ZMYND11: variants seen among roughly 807,000 people sequenced by gnomAD.
ZMYND11 encodes zinc finger MYND-type containing 11.
ZMYND11 carries 9 observed loss-of-function variants against 84.9 expected under a neutral mutation model. That is an observed-to-expected ratio of 0.11 (90% CI 0.06 to 0.18). ZMYND11 has a LOEUF of 0.18. Among genes scored for constraint, ZMYND11 ranks in the 10% least tolerant of loss-of-function variants. The pLI is 1.00. For missense variants in ZMYND11, 409 were observed against 761.0 expected, an observed-to-expected ratio of 0.54 and a Z score of 5.44; for synonymous variants, 250 against 244.1, an observed-to-expected ratio of 1.02 and a Z score of -0.23.
chr10:239,415 A>G lies in ZMYND11; in HGVS notation c.610-23A>G, dbSNP rs372945811. On this transcript the variant is annotated intron_variant, in intron 6 of 14. Coordinates refer to ENST00000381604, the MANE Select transcript of ZMYND11 (RefSeq NM_001370100.5). ...ATTTTTACTGGTAACTCTTTTCGTC[A>G]TTCTGTTTTTTGCCCTCTGCAGAAA... The G allele has an allele frequency of 3.8e-4, 610 of 1,599,832 alleles. 1 individual carries two copies. Among genetic ancestry groups the G allele is most frequent in the Non-Finnish European group, 4.9e-4 (576 of 1,171,076 alleles).
chr10:231,484 T>C (rs936660889), intron 4 of ZMYND11, among the ~76,000 whole-genome samples: 2 of 152,250 alleles, frequency 1.3e-5, no homozygotes, highest in Non-Finnish European at 2.9e-5. Context: ...AATAGGTTTC[T>C]ATGACTGAAA....
At chr10:248,849 A>C (rs1340943370) in intron 13 of ZMYND11, 54 bp from the exon 14 acceptor site, 1 of 1,556,680 alleles carries the variant, frequency 6.4e-7, no homozygotes, top group African/African-American at 1.4e-5. Context: ...TCCAGTGTAG[A>C]TGGTCTGTGT....
At chr10:173,060 T>C (rs1203849254) in intron 1 of ZMYND11, among the ~76,000 whole-genome samples, 4 of 151,394 alleles carry the variant, frequency 2.6e-5, no homozygotes, top group African/African-American at 7.3e-5. Flanking sequence ...AAGAATCATC[T>C]AGGCAAAGAC....
intron 2 of ZMYND11, among the ~76,000 whole-genome samples, chr10:184,899 G>T (rs1010961539): frequency 8.0e-5 from 12 of 150,640 alleles, no homozygotes; most frequent in East Asian, 7.8e-4. Flanking sequence ...TCTTTTCCCC[G>T]TTTTTTTTTG....
chr10:208,710 A>G (rs1248376559), intron 2 of ZMYND11, among the ~76,000 whole-genome samples: 4 of 152,110 alleles, frequency 2.6e-5, no homozygotes, highest in Non-Finnish European at 5.9e-5. Context: ...ACAGAAAGAG[A>G]GGTGGGAATT....
intron 3 of ZMYND11, among the ~76,000 whole-genome samples, chr10:215,936 A>C (rs1188084571): frequency 6.6e-6 from 1 of 152,162 alleles, no homozygotes; most frequent in Non-Finnish European, 1.5e-5. Flanking sequence ...AAAACAGCAT[A>C]ATTAATGAAA....
intron 1 of ZMYND11, among the ~76,000 whole-genome samples, chr10:143,453 A>G (rs1588398664): frequency 6.6e-6 from 1 of 152,124 alleles, no homozygotes; most frequent in Admixed American, 6.5e-5. Context: ...TTAATTTTCT[A>G]TTGAATTTTG....
At chr10:221,818 T>A (rs970815574) in intron 4 of ZMYND11, among the ~76,000 whole-genome samples, 38 of 152,196 alleles carry the variant, frequency 2.5e-4, no homozygotes, top group Non-Finnish European at 4.1e-4. Flanking sequence ...GAGTTTGTTT[T>A]TTTTTGCTTA....
intron 4 of ZMYND11, among the ~76,000 whole-genome samples, chr10:229,008 C>T (rs1292771391): frequency 1.4e-4 from 21 of 151,948 alleles, no homozygotes; most frequent in East Asian, 3.9e-4. Flanking sequence ...TTTTCTATCA[C>T]GGTTTGTTTT....
intron 2 of ZMYND11, among the ~76,000 whole-genome samples, chr10:200,205 G>GGTGT (rs71374347): frequency 7.6e-6 from 1 of 132,432 alleles, no homozygotes; most frequent in African/African-American, 2.8e-5. Context: ...GCCTGGCTAG[G>GGTGT]GTGTGTGTGT....
At chr10:247,865 G>GT (rs1436588856) in intron 12 of ZMYND11, among the ~76,000 whole-genome samples, 1 of 152,164 alleles carries the variant, frequency 6.6e-6, no homozygotes, top group East Asian at 1.9e-4. Flanking sequence ...GAGCTCAGCC[G>GT]TTTTAAGTGA....
At chr10:208,436 A>C (rs1302836943) in intron 2 of ZMYND11, among the ~76,000 whole-genome samples, 3 of 152,218 alleles carry the variant, frequency 2.0e-5, no homozygotes, top group African/African-American at 7.2e-5. Context: ...GAACTCAAAC[A>C]AATTTACAAG....
chr10:237,209 ACT>A (rs982690660), intron 5 of ZMYND11, among the ~76,000 whole-genome samples: 14 of 152,082 alleles, frequency 9.2e-5, no homozygotes, highest in African/African-American at 3.1e-4. Flanking sequence ...ATTGATGATG[ACT>A]CTTTAAAATG....
intron 1 of ZMYND11, among the ~76,000 whole-genome samples, chr10:176,658 A>C (rs1397174236): frequency 6.6e-6 from 1 of 152,190 alleles, no homozygotes; most frequent in Non-Finnish European, 1.5e-5. Context: ...AAAGCAATAC[A>C]TTTGTAAGAG....
chr10:203,529 G>A (rs1188396866), intron 2 of ZMYND11, among the ~76,000 whole-genome samples: 2 of 152,010 alleles, frequency 1.3e-5, no homozygotes, highest in Non-Finnish European at 2.9e-5. Context: ...CTATTTTTGT[G>A]GATTTTGGCA....
At chr10:178,750 A>G (rs1265623805) in intron 1 of ZMYND11, among the ~76,000 whole-genome samples, 1 of 152,206 alleles carries the variant, frequency 6.6e-6, no homozygotes, top group African/African-American at 2.4e-5. Context: ...ATACCTTTAA[A>G]CATGTTCAAA....
At chr10:186,049 GC>G (rs1938314055) in intron 2 of ZMYND11, among the ~76,000 whole-genome samples, 1 of 147,946 alleles carries the variant, frequency 6.8e-6, no homozygotes, top group Admixed American at 6.8e-5. Context: ...TGGCTCTTTC[GC>G]CCAGGTTGGA....
chr10:172,396 G>A (rs9419499), intron 1 of ZMYND11, among the ~76,000 whole-genome samples: 141,054 of 152,232 alleles, frequency 0.93, 65,701 homozygotes, highest in Non-Finnish European at 0.98. Flanking sequence ...CTAAGTGGTT[G>A]TAGCCAAGTT....
intron 1 of ZMYND11, among the ~76,000 whole-genome samples, chr10:159,278 A>C (rs2131457602): frequency 6.6e-6 from 1 of 152,208 alleles, no homozygotes; most frequent in African/African-American, 2.4e-5. Context: ...GGTGGGTCAA[A>C]GAGTAAATGT....
Sources: gnomAD v4.1 joint callset for allele counts (sites outside exome capture counted in the v4.1 genomes callset) on GRCh38, gnomAD v4.1.1 for gene constraint, MANE v1.5 for transcripts, NCBI Gene and HGNC (gene_info 2026-07-23, HGNC 2026-07-21) for gene names.